Variants in NAALADL2 observed in about 807,000 individuals in gnomAD.
NAALADL2 encodes the protein inactive N-acetylated-alpha-linked acidic dipeptidase-like protein 2.
NAALADL2 carries 76 observed loss-of-function variants against 87.2 expected under a neutral mutation model. That is an observed-to-expected ratio of 0.87 (90% confidence interval 0.72 to 1.05). NAALADL2 has a LOEUF of 1.05. Ranked by LOEUF, NAALADL2 falls within the 50% of genes least tolerant of loss-of-function variation. The pLI, the probability that NAALADL2 is intolerant of heterozygous loss-of-function variation, is 0.00. For synonymous variants in NAALADL2, 354 were observed against 331.0 expected (o/e 1.07, Z -0.75); for missense variants, 1,089 against 945.8 (o/e 1.15, Z -1.99).
chr3:174,772,125 A>G (rs1441992808), intron 3 of NAALADL2, among the ~76,000 whole-genome samples: 1 of 152,210 alleles, frequency 6.6e-6, no homozygotes, highest in African/African-American at 2.4e-5. Context: ...AGCTTTCCCA[A>G]AATATAGAAA....
intron 1 of NAALADL2, among the ~76,000 whole-genome samples, chr3:174,978,275 C>G (rs1029199760): frequency 5.9e-5 from 9 of 152,154 alleles, no homozygotes; most frequent in Admixed American, 5.9e-4. Flanking sequence ...CTTTCTTTCT[C>G]TTCAGTGTAC....
intron 12 of NAALADL2, among the ~76,000 whole-genome samples, chr3:175,740,382 C>T (rs1745067106): frequency 6.6e-6 from 1 of 152,118 alleles, no homozygotes; most frequent in Non-Finnish European, 1.5e-5. Context: ...GGATGTGTGG[C>T]AGTGTCAGAG....
At chr3:175,368,952 G>A (rs1219601745) in intron 5 of NAALADL2, among the ~76,000 whole-genome samples, 1 of 152,052 alleles carries the variant, frequency 6.6e-6, no homozygotes, top group Non-Finnish European at 1.5e-5. Flanking sequence ...GGAACTTGTG[G>A]GAGTAGAAGT....
chr3:174,922,718 A>G (rs1220098641), intron 1 of NAALADL2, among the ~76,000 whole-genome samples: 2 of 152,064 alleles, frequency 1.3e-5, no homozygotes, highest in African/African-American at 2.4e-5. Context: ...AAACCCCTCA[A>G]TTTGGGTTTG....
At chr3:175,729,227 A>C (rs976492348) in intron 11 of NAALADL2, among the ~76,000 whole-genome samples, 14 of 152,196 alleles carry the variant, frequency 9.2e-5, no homozygotes, top group Admixed American at 5.9e-4. Context: ...GAGAGCACCT[A>C]TCTTTTATGA....
chr3:174,566,741 T>A (rs140663119), intron 2 of NAALADL2, among the ~76,000 whole-genome samples: 1 of 151,886 alleles, frequency 6.6e-6, no homozygotes, highest in African/African-American at 2.4e-5. Flanking sequence ...CTGTTTAATC[T>A]GTTTTTAAAA....
At chr3:175,499,071 A>G (rs1289978487) in intron 9 of NAALADL2, among the ~76,000 whole-genome samples, 1 of 152,034 alleles carries the variant, frequency 6.6e-6, no homozygotes, top group East Asian at 1.9e-4. Context: ...CTTATTATGC[A>G]TTTTCTTTGT....
chr3:174,858,565 T>A (rs1254453919), upstream of NAALADL2, among the ~76,000 whole-genome samples: 1 of 152,072 alleles, frequency 6.6e-6, no homozygotes, highest in Non-Finnish European at 1.5e-5. Flanking sequence ...GAACAGTTTT[T>A]TTCAGGTCTC....
intron 1 of NAALADL2, among the ~76,000 whole-genome samples, chr3:175,086,462 GTAA>G (rs1475916252): frequency 6.6e-6 from 1 of 151,900 alleles, no homozygotes; most frequent in Non-Finnish European, 1.5e-5. Context: ...TGTTGATAAA[GTAA>G]TAATATTTGA....
intron 4 of NAALADL2, among the ~76,000 whole-genome samples, chr3:175,308,063 A>C (rs893750379): frequency 3.9e-5 from 6 of 152,220 alleles, no homozygotes; most frequent in African/African-American, 1.4e-4. Context: ...ATTTTTGCTT[A>C]AATATTATTG....
Position 175,320,448 on chromosome 3 carries a change from G to A in NAALADL2, c.940-3727G>A, listed in dbSNP as rs147339286. On this transcript the variant is annotated intron_variant, in intron 4 of 13. Coordinates refer to ENST00000454872, the MANE Select transcript of NAALADL2 (RefSeq NM_207015.3). Reference sequence around the variant, plus strand: ...CAGAAGGAGACCCCCATAAGGTTACGTGTAAATTCCTCAGTTGCTATATCT... The same window carrying A: ...CAGAAGGAGACCCCCATAAGGTTACATGTAAATTCCTCAGTTGCTATATCT... Among the ~76,000 whole-genome samples the A allele has an allele frequency of 1.5e-3, 231 of 152,250 alleles. 2 individuals are homozygous for A. The highest frequency in any genetic ancestry group is 5.1e-3 in the African/African-American group (210 of 41,546).
In NAALADL2 at chr3:174,665,656, C is replaced by T. The variant is rs371431852; in HGVS notation, c.-114-71985C>T. On this transcript the variant is annotated intron_variant, in intron 2 of 3. Transcript: ENST00000434257. ...TGTTCCTTCATGAAAATCTGGCTTC[C>T]TCATATATGCACACGTGTGTTTTGT... Among the ~76,000 whole-genome samples, 13 of 152,212 alleles carry T rather than the reference C, an allele frequency of 8.5e-5. No homozygotes were observed. In the South Asian group the frequency reaches 2.7e-3, roughly 32 times the overall value.
intron 3 of NAALADL2, among the ~76,000 whole-genome samples, chr3:174,804,928 A>G (rs992999438): frequency 2.0e-5 from 3 of 152,154 alleles, no homozygotes; most frequent in African/African-American, 7.2e-5. Context: ...TATCAATAAG[A>G]GAGGTTCAAA....
chr3:174,809,197 A>G (rs1579021020), intron 3 of NAALADL2, among the ~76,000 whole-genome samples: 1 of 152,158 alleles, frequency 6.6e-6, no homozygotes, highest in East Asian at 1.9e-4. Flanking sequence ...AGGCAACATA[A>G]TATGCAGTCA....
chr3:174,935,473 C>T (rs183019481), intron 1 of NAALADL2, among the ~76,000 whole-genome samples: 47 of 152,222 alleles, frequency 3.1e-4, no homozygotes, highest in South Asian at 1.5e-3. Context: ...TAATTTGATA[C>T]GTCTTTTGCC....
chr3:174,894,839 C>G (rs1030128788), intron 1 of NAALADL2, among the ~76,000 whole-genome samples: 8 of 151,916 alleles, frequency 5.3e-5, no homozygotes, highest in Non-Finnish European at 8.8e-5. Flanking sequence ...CAAACATCTT[C>G]TCTGAAAAAT....
At chr3:174,464,195 A>G (rs1716384119) in intron 1 of NAALADL2, among the ~76,000 whole-genome samples, 1 of 152,150 alleles carries the variant, frequency 6.6e-6, no homozygotes, top group Non-Finnish European at 1.5e-5. Flanking sequence ...TTCACGAACT[A>G]ATGTTTAAGT....
chr3:174,576,823 G>T (rs1353231043), intron 2 of NAALADL2, among the ~76,000 whole-genome samples: 2 of 152,000 alleles, frequency 1.3e-5, no homozygotes, highest in African/African-American at 4.8e-5. Flanking sequence ...TCATTTCATT[G>T]GTATGCCATT....
intron 3 of NAALADL2, among the ~76,000 whole-genome samples, chr3:174,762,036 A>T (rs945105877): frequency 6.6e-6 from 1 of 152,110 alleles, no homozygotes; most frequent in African/African-American, 2.4e-5. Flanking sequence ...GTTCAATGTC[A>T]TGCCTTCCAA....
Sources: allele counts gnomAD v4.1 joint callset (sites outside exome capture counted in the v4.1 genomes callset), GRCh38; gene constraint gnomAD v4.1.1; transcripts MANE v1.5; gene names NCBI Gene and HGNC (gene_info 2026-07-23, HGNC 2026-07-21).